Variants in PTN observed in about 807,000 individuals in gnomAD.
PTN encodes the protein pleiotrophin.
In PTN, 18 loss-of-function variants were observed where a neutral mutation model predicts 24.1. The ratio of observed to expected loss-of-function variants is 0.75; its 90% confidence interval spans 0.52 to 1.11. The LOEUF is 1.11. Among genes scored for constraint, PTN ranks in the 50% least tolerant of loss-of-function variants. The pLI, the probability that PTN is intolerant of heterozygous loss-of-function variation, is 0.00. For synonymous variants in PTN, 78 were observed against 68.6 expected, an observed-to-expected ratio of 1.14 and a Z score of -0.67; for missense variants, 163 against 198.8, an observed-to-expected ratio of 0.82 and a Z score of 1.08.
At chr7:137,290,229 T>C (rs322257) in intron 1 of PTN, among the ~76,000 whole-genome samples, 40,791 of 151,966 alleles carry the variant, frequency 0.27, 6,918 homozygotes, top group East Asian at 0.53. Context: ...TTGAATTACC[T>C]CCCACCAGGT....
intron 1 of PTN, among the ~76,000 whole-genome samples, chr7:137,277,288 T>C (rs1427193881): frequency 1.3e-5 from 2 of 152,200 alleles, no homozygotes; most frequent in Non-Finnish European, 2.9e-5. Context: ...GGCAAAAATG[T>C]GGAACTTTAA....
chr7:137,333,126 T>C (rs937115236), intron 1 of PTN, among the ~76,000 whole-genome samples: 2 of 152,106 alleles, frequency 1.3e-5, no homozygotes, highest in Non-Finnish European at 2.9e-5. Flanking sequence ...GTTCCCACTC[T>C]TAGTTCCCCC....
chr7:137,287,398 G>A lies in PTN; in HGVS notation c.-1-32424C>T, dbSNP rs188715173. Among the ~76,000 whole-genome samples, 587 of 152,152 alleles carry A rather than the reference G, an allele frequency of 3.9e-3. 14 individuals carry two copies. The highest frequency in any genetic ancestry group is 1.7e-3 in the East Asian group (9 of 5,170). ...TCGGCTATTGTTGGTATGACATGGA[G>A]TTCCTTTCTGCTTAGGGTCACCCAG... On this transcript the variant is annotated intron_variant, in intron 1 of 4. Coordinates refer to ENST00000348225, the MANE Select transcript of PTN (RefSeq NM_002825.7).
rs144527209 is a variant in PTN, at chr7:137,245,869, C to T, written c.451+5361G>A. ...GGAATAAAGATATAAGGAAAGAATA[C>T]GTTTGTTATAGCTATGCAATGTTTT... On this transcript the variant is annotated intron_variant, in intron 4 of 4. Coordinates refer to ENST00000348225, the MANE Select transcript of PTN (RefSeq NM_002825.7). Among the ~76,000 whole-genome samples the T allele has an allele frequency of 7.9e-5, 12 of 152,134 alleles. No homozygotes were observed. The East Asian group carries it at 1.7e-3, about 22-fold the overall frequency.
intron 4 of PTN, among the ~76,000 whole-genome samples, chr7:137,231,405 C>T (rs987041577): frequency 6.6e-6 from 1 of 151,904 alleles, no homozygotes; most frequent in African/African-American, 2.4e-5. Flanking sequence ...ATCTTAGCCT[C>T]AACTGCATTT....
At chr7:137,306,016 C>T (rs1481478804) in intron 1 of PTN, among the ~76,000 whole-genome samples, 2 of 152,018 alleles carry the variant, frequency 1.3e-5, no homozygotes, top group African/African-American at 4.8e-5. Context: ...TACAGATTCT[C>T]ATGAAAAGAA....
chr7:137,255,460 T>C (rs975812007), intron 1 of PTN, among the ~76,000 whole-genome samples: 5 of 152,208 alleles, frequency 3.3e-5, no homozygotes, highest in Admixed American at 6.5e-5. Flanking sequence ...ACTGTTTCTA[T>C]TTAGACGCAT....
chr7:137,334,795 A>G (rs1047531123), intron 1 of PTN, among the ~76,000 whole-genome samples: 3 of 151,990 alleles, frequency 2.0e-5, no homozygotes, highest in African/African-American at 7.3e-5. Flanking sequence ...AACCAATCCA[A>G]ATGTCCAACA....
intron 4 of PTN, among the ~76,000 whole-genome samples, chr7:137,249,201 T>G (rs13224059): frequency 0.18 from 27,536 of 151,848 alleles, 3,348 homozygotes; most frequent in African/African-American, 0.35. Flanking sequence ...CACCTAATCA[T>G]GTCCCCACTT....
chr7:137,339,803 G>A (rs2128884112), intron 1 of PTN, among the ~76,000 whole-genome samples: 1 of 152,146 alleles, frequency 6.6e-6, no homozygotes, highest in African/African-American at 2.4e-5. Flanking sequence ...GGAGAAATGA[G>A]AGAAAAGAAG....
intron 1 of PTN, among the ~76,000 whole-genome samples, chr7:137,286,524 G>T (rs764196808): frequency 6.6e-6 from 1 of 152,090 alleles, no homozygotes; most frequent in Non-Finnish European, 1.5e-5. Flanking sequence ...TCCAACTTAC[G>T]AATATGTAAA....
intron 1 of PTN, among the ~76,000 whole-genome samples, chr7:137,337,421 A>T (rs556401702): frequency 2.2e-4 from 34 of 152,322 alleles, no homozygotes; most frequent in Admixed American, 3.9e-4. Flanking sequence ...TCAATTTTTT[A>T]AAAATCCCAC....
At chr7:137,283,233 G>A (rs1809501417) in intron 1 of PTN, among the ~76,000 whole-genome samples, 1 of 152,128 alleles carries the variant, frequency 6.6e-6, no homozygotes, top group Admixed American at 6.5e-5. Context: ...TCCATACGAG[G>A]AACAAAACCC....
At chr7:137,332,260 TGTAA>T (rs1337685000) in intron 1 of PTN, among the ~76,000 whole-genome samples, 2 of 152,208 alleles carry the variant, frequency 1.3e-5, no homozygotes, top group East Asian at 1.9e-4. Context: ...TTTCAAGAAT[TGTAA>T]GTAAGTTTTC....
At chr7:137,335,821 A>T (rs893294193) in intron 1 of PTN, among the ~76,000 whole-genome samples, 1 of 152,220 alleles carries the variant, frequency 6.6e-6, no homozygotes, top group Non-Finnish European at 1.5e-5. Context: ...ACCAATTAAA[A>T]AATGTGACAT....
chr7:137,270,224 A>G (rs1809251885), intron 1 of PTN, among the ~76,000 whole-genome samples: 1 of 152,208 alleles, frequency 6.6e-6, no homozygotes, highest in African/African-American at 2.4e-5. Context: ...GGGAAGGGCA[A>G]TTATTTTGCA....
chr7:137,314,594 A>G (rs938895871), intron 1 of PTN, among the ~76,000 whole-genome samples: 1 of 108,062 alleles, frequency 9.3e-6, no homozygotes, highest in Non-Finnish European at 1.9e-5. Context: ...CTTTTACATG[A>G]TGCTTTTTTT....
chr7:137,294,311 C>T (rs533469530), intron 1 of PTN, among the ~76,000 whole-genome samples: 30 of 152,210 alleles, frequency 2.0e-4, no homozygotes, highest in African/African-American at 6.5e-4. Context: ...AACAAAATTT[C>T]AGAAGGCACC....
chr7:137,295,884 C>G (rs1157281052), intron 1 of PTN, among the ~76,000 whole-genome samples: 2 of 151,952 alleles, frequency 1.3e-5, no homozygotes, highest in African/African-American at 2.4e-5. Context: ...AGCTAGGGAA[C>G]TGTCAGCTGC....
Sources: gnomAD v4.1 joint callset for allele counts (sites outside exome capture counted in the v4.1 genomes callset) on GRCh38, gnomAD v4.1.1 for gene constraint, MANE v1.5 for transcripts, NCBI Gene and HGNC (gene_info 2026-07-23, HGNC 2026-07-21) for gene names.